RASEF: variants seen among roughly 807,000 people sequenced by gnomAD.
RASEF encodes the protein ras and EF-hand domain-containing protein.
A neutral mutation model predicts 90.1 loss-of-function variants in RASEF; 68 were observed. That is an observed-to-expected ratio of 0.75 (90% CI 0.62 to 0.92). The LOEUF is 0.92. Among genes scored for constraint, RASEF ranks in the 40% least tolerant of loss-of-function variants. The pLI is 0.00. For synonymous variants in RASEF, 331 were observed against 345.2 expected, an observed-to-expected ratio of 0.96 and a Z score of 0.46; for missense variants, 949 against 937.2, an observed-to-expected ratio of 1.01 and a Z score of -0.16.
chr9:83,108,857 A>G, the RASEF span, among the ~76,000 whole-genome samples: 1 of 152,174 alleles, frequency 6.6e-6, no homozygotes, highest in Non-Finnish European at 1.5e-5. Context: ...TCCTGTATCT[A>G]TCAATCCATT....
At chr9:83,093,446 G>A in the RASEF span, among the ~76,000 whole-genome samples, 1 of 152,240 alleles carries the variant, frequency 6.6e-6, no homozygotes, top group African/African-American at 2.4e-5. Flanking sequence ...TGCCCCGCGG[G>A]AAGGCAGCTA....
At position 83,047,332 on chromosome 9, in the gene RASEF, G is replaced by A. The variant is rs111394556; in HGVS notation, c.431+15105C>T. Among the ~76,000 whole-genome samples the A allele has an allele frequency of 6.1e-3, 923 of 152,310 alleles. 11 individuals are homozygous for A. Among genetic ancestry groups the A allele is most frequent in the African/African-American group, 0.02 (844 of 41,570 alleles). On this transcript the variant is annotated intron_variant, in intron 1 of 16. Transcript: ENST00000376447. ...AAAGTAACCCAGACACACAGCTTTC[G>A]TGGCTGTTCAAATTTCTTAGCCCTA...
intron 16 of RASEF, 23 bp from the exon 17 acceptor site, chr9:82,982,805 CAGAGAG>C (rs60689330): frequency 0.088 from 76,506 of 865,346 alleles, 77 homozygotes; most frequent in East Asian, 0.18. Context: ...TAGAGAGAGA[CAGAGAG>C]AGAGAGAGAG....
the RASEF span, among the ~76,000 whole-genome samples, chr9:83,148,562 C>A: frequency 6.6e-6 from 1 of 152,146 alleles, no homozygotes; most frequent in Non-Finnish European, 1.5e-5. Context: ...CAGAAGGAAC[C>A]AACCCTGCCA....
Position 82,990,436 on chromosome 9 carries a change from G to T in RASEF, c.2072C>A (p.Ala691Asp). The change falls in exon 16 of 17, where the codon GCC (alanine) becomes GAC (aspartate). Residue 691 changes from alanine to aspartate, a missense_variant. This residue lies in a region of RASEF where 288 missense variants were observed against 328.4 expected (regional missense o/e 0.88). Coordinates refer to ENST00000376447, the MANE Select transcript of RASEF (RefSeq NM_152573.4). ...TYGALFCETS[A>D]KDGSNIVEAV... ...CTCCACTATGTTAGAACCATCTTTG[G>T]CACTTGTTTCACAGAATAATGCCCC... is the stretch of plus-strand genomic sequence containing the variant. 6.2e-7 allele frequency: 1 copy of T among 1,613,566 alleles called. No homozygotes were observed. Among genetic ancestry groups the T allele is most frequent in the South Asian group, 1.1e-5 (1 of 91,058 alleles).
chr9:83,170,602 G>A, the RASEF span, among the ~76,000 whole-genome samples: 1 of 151,608 alleles, frequency 6.6e-6, no homozygotes, highest in East Asian at 1.9e-4. Flanking sequence ...TTTCATCAGT[G>A]TTTTATAGCT....
intron 13 of RASEF, 103 bp from the exon 14 acceptor site, chr9:82,997,229 G>A: frequency 1.4e-6 from 1 of 732,276 alleles, no homozygotes; most frequent in South Asian, 1.5e-5. Flanking sequence ...CACCAGTTGA[G>A]AAGACTCTAA....
chr9:83,113,078 C>T, the RASEF span, among the ~76,000 whole-genome samples: 1 of 152,124 alleles, frequency 6.6e-6, no homozygotes, highest in Non-Finnish European at 1.5e-5. Context: ...GATATCATAA[C>T]CTGTGTTGCA....
chr9:83,180,628 T>A, the RASEF span, among the ~76,000 whole-genome samples: 673 of 152,096 alleles, frequency 4.4e-3, 7 homozygotes, highest in African/African-American at 0.015. Flanking sequence ...GGAGCTAGCA[T>A]TTATTGTATT....
At chr9:83,110,366 C>T in the RASEF span, among the ~76,000 whole-genome samples, 1 of 152,004 alleles carries the variant, frequency 6.6e-6, no homozygotes. Context: ...CAGAGTATAC[C>T]AATAATTTAT....
At chr9:83,164,347 G>GTGTGTATA in the RASEF span, among the ~76,000 whole-genome samples, 3,372 of 129,750 alleles carry the variant, frequency 0.026, 80 homozygotes, top group East Asian at 0.063. Flanking sequence ...GTATATGTGT[G>GTGTGTATA]TATATATATA....
chr9:83,084,452 C>A, the RASEF span, among the ~76,000 whole-genome samples: 3 of 152,152 alleles, frequency 2.0e-5, no homozygotes. Flanking sequence ...TCATGTCTTA[C>A]ATGAATTAAC....
At chr9:83,065,855 T>G (rs1395131880), upstream of RASEF, among the ~76,000 whole-genome samples, 1 of 152,200 alleles carries the variant, frequency 6.6e-6, no homozygotes, top group Non-Finnish European at 1.5e-5. Context: ...TGTCTTAATT[T>G]GATAAGGGGT....
At chr9:83,192,728 T>A in the RASEF span, among the ~76,000 whole-genome samples, 23 of 141,534 alleles carry the variant, frequency 1.6e-4, no homozygotes, top group African/African-American at 2.2e-4. Flanking sequence ...AAAAAAAAAA[T>A]TCCATTAAAA....
At chr9:83,114,019 G>T in the RASEF span, among the ~76,000 whole-genome samples, 1 of 152,054 alleles carries the variant, frequency 6.6e-6, no homozygotes, top group African/African-American at 2.4e-5. Flanking sequence ...ATCACCCCTA[G>T]AGACCCAGCT....
chr9:83,137,450 A>G, the RASEF span, among the ~76,000 whole-genome samples: 9 of 152,194 alleles, frequency 5.9e-5, no homozygotes, highest in Non-Finnish European at 8.8e-5. Flanking sequence ...TTAAAAGTTA[A>G]TCTTGAAAAA....
chr9:83,076,065 G>A, the RASEF span, among the ~76,000 whole-genome samples: 1 of 152,010 alleles, frequency 6.6e-6, no homozygotes, highest in Non-Finnish European at 1.5e-5. Flanking sequence ...CTACTCTGGA[G>A]GCTGAGGCAG....
At chr9:83,022,493 A>AT in intron 2 of RASEF, 67 bp from the exon 3 acceptor site, 1 of 1,157,184 alleles carries the variant, frequency 8.6e-7, no homozygotes, top group Non-Finnish European at 1.3e-6. Context: ...GAGAAACTTC[A>AT]GATTCATCTA....
chr9:83,061,039 T>C (rs1830192972), intron 1 of RASEF, among the ~76,000 whole-genome samples: 2 of 152,210 alleles, frequency 1.3e-5, no homozygotes, highest in African/African-American at 4.8e-5. Context: ...ATATCCAATA[T>C]GATGTGGACT....
Sources: gnomAD v4.1 joint callset for allele counts (sites outside exome capture counted in the v4.1 genomes callset) on GRCh38, gnomAD v4.1.1 for gene constraint, gnomAD v4.1.1 regional missense constraint, MANE v1.5 for transcripts, NCBI Gene and HGNC (gene_info 2026-07-23, HGNC 2026-07-21) for gene names.